The following DLG2 variants were observed in gnomAD, a reference collection of about 807,000 sequenced individuals.
DLG2 encodes discs large MAGUK scaffold protein 2.
DLG2 carries 45 observed loss-of-function variants against 132.5 expected under a neutral mutation model. The observed-to-expected ratio is 0.34, with a 90% confidence interval of 0.27 to 0.44. DLG2 has a LOEUF of 0.44. DLG2 is among the 20% of genes least tolerant of loss of function. DLG2 has a pLI of 1.00. For missense variants in DLG2, 1,045 were observed against 1,196.9 expected (o/e 0.87, Z 1.87); for synonymous variants, 424 against 419.6 (o/e 1.01, Z -0.13).
At position 85,456,606 on chromosome 11, in the gene DLG2, T is replaced by C. The variant is rs180748246; in HGVS notation, c.40+142051A>G. 1.8e-3 allele frequency among the ~76,000 whole-genome samples: 271 copies of C among 152,304 alleles called. 1 individual carries two copies. The highest frequency in any genetic ancestry group is 6.3e-3 in the African/African-American group (262 of 41,574). On this transcript the variant is annotated intron_variant, in intron 3 of 27. Coordinates refer to ENST00000376104, the MANE Select transcript of DLG2 (RefSeq NM_001142699.3). ...CAAGCCTTTCGACGTGGGCATTTAG[T>C]GCTATAAACTTCCCTCTTAACACTG...
intron 17 of DLG2, among the ~76,000 whole-genome samples, chr11:83,792,432 G>A (rs1471425456): frequency 6.6e-6 from 1 of 152,050 alleles, no homozygotes; most frequent in Admixed American, 6.5e-5. Context: ...TATATCATAA[G>A]TAAGGCACAA....
At chr11:84,653,736 T>C (rs1174831658) in intron 6 of DLG2, among the ~76,000 whole-genome samples, 2 of 152,150 alleles carry the variant, frequency 1.3e-5, no homozygotes, top group South Asian at 2.1e-4. Flanking sequence ...TTACAGCAAA[T>C]ATTTCCACCT....
At chr11:84,519,428 A>G (rs2099286950) in intron 7 of DLG2, among the ~76,000 whole-genome samples, 2 of 152,184 alleles carry the variant, frequency 1.3e-5, no homozygotes, top group Admixed American at 1.3e-4. Flanking sequence ...AAGAGACAAG[A>G]TATTATTGCT....
chr11:85,375,070 TC>T (rs901664704), intron 3 of DLG2, among the ~76,000 whole-genome samples: 1 of 152,094 alleles, frequency 6.6e-6, no homozygotes, highest in East Asian at 1.9e-4. Context: ...TCTTTTTTTT[TC>T]CCTTTGTTCC....
At chr11:83,865,343 C>T (rs2062120440) in intron 16 of DLG2, among the ~76,000 whole-genome samples, 1 of 151,924 alleles carries the variant, frequency 6.6e-6, no homozygotes, top group South Asian at 2.1e-4. Flanking sequence ...TGACTCTTAC[C>T]CAACCACCTT....
chr11:84,448,923 A>G (rs1296745693), intron 7 of DLG2, among the ~76,000 whole-genome samples: 1 of 151,996 alleles, frequency 6.6e-6, no homozygotes, highest in African/African-American at 2.4e-5. Context: ...AAATGAATGA[A>G]GCATATCACT....
chr11:85,482,645 C>G (rs1347823897), intron 3 of DLG2, among the ~76,000 whole-genome samples: 1 of 152,188 alleles, frequency 6.6e-6, no homozygotes, highest in Non-Finnish European at 1.5e-5. Context: ...ATCCCAGGCT[C>G]CAGGCCAGCC....
At chr11:85,463,853 A>G (rs1196324395) in intron 3 of DLG2, among the ~76,000 whole-genome samples, 2 of 152,064 alleles carry the variant, frequency 1.3e-5, no homozygotes, top group Non-Finnish European at 2.9e-5. Context: ...TGAATGTGAC[A>G]AAGGAGAGCA....
At chr11:84,417,224 G>A (rs1169650492) in intron 7 of DLG2, among the ~76,000 whole-genome samples, 1 of 152,082 alleles carries the variant, frequency 6.6e-6, no homozygotes, top group Non-Finnish European at 1.5e-5. Context: ...ACTTTGCTTG[G>A]ATTTCTTAAT....
In DLG2 at chr11:85,503,036, C is replaced by T. The variant is rs377019275; in HGVS notation, c.40+95621G>A. Reference sequence around the variant, plus strand: ...TATTCCCTACAATATAGAAGAAACTCATAAGCATACTCCCGTATGAAGAAG... The same window carrying T: ...TATTCCCTACAATATAGAAGAAACTTATAAGCATACTCCCGTATGAAGAAG... On this transcript the variant is annotated intron_variant, in intron 3 of 27. Transcript: ENST00000376104. Among the ~76,000 whole-genome samples the T allele has an allele frequency of 4.5e-4, 68 of 152,098 alleles. No homozygotes were observed. The South Asian group carries it at 0.012, about 28-fold the overall frequency.
intron 8 of DLG2, among the ~76,000 whole-genome samples, chr11:84,207,956 TG>T (rs936220534): frequency 9.2e-5 from 14 of 152,202 alleles, no homozygotes; most frequent in Admixed American, 6.5e-4. Context: ...TTTCTTTACA[TG>T]GGGAAAAAAG....
At chr11:84,575,260 C>A in intron 6 of DLG2, among the ~76,000 whole-genome samples, 1 of 152,190 alleles carries the variant, frequency 6.6e-6, no homozygotes, top group East Asian at 1.9e-4. Flanking sequence ...CTAGCTTAAT[C>A]TTCTGTAACT....
chr11:84,820,956 A>G (rs1461686594), intron 6 of DLG2, among the ~76,000 whole-genome samples: 1 of 151,870 alleles, frequency 6.6e-6, no homozygotes, highest in African/African-American at 2.4e-5. Context: ...TTTGGCTAAG[A>G]TCAAGTGTTC....
intron 7 of DLG2, among the ~76,000 whole-genome samples, chr11:84,491,576 G>T (rs989283228): frequency 6.6e-6 from 1 of 152,092 alleles, no homozygotes; most frequent in Non-Finnish European, 1.5e-5. Flanking sequence ...CCACATCCTT[G>T]TTTGTTCTAA....
intron 19 of DLG2, among the ~76,000 whole-genome samples, chr11:83,608,318 C>G (rs2059629492): frequency 6.6e-6 from 1 of 151,572 alleles, no homozygotes; most frequent in African/African-American, 2.4e-5. Flanking sequence ...TATTCCTCAT[C>G]TGAAATGCTT....
Position 84,647,462 on chromosome 11 carries a change from G to A in DLG2, c.358-112731C>T, listed in dbSNP as rs1166813643. On this transcript the variant is annotated intron_variant, in intron 6 of 27. Transcript: ENST00000376104. ...AGGCACATCAGACTACGATTATCTA[G>A]GTATTTCAATAGATCAGTGCGGTAG... 3.3e-5 allele frequency among the ~76,000 whole-genome samples: 5 copies of A among 152,226 alleles called. No homozygotes were observed. The East Asian group carries it at 7.7e-4, about 23-fold the overall frequency.
chr11:84,753,235 T>C (rs2066414916), intron 6 of DLG2, among the ~76,000 whole-genome samples: 1 of 152,164 alleles, frequency 6.6e-6, no homozygotes, highest in Non-Finnish European at 1.5e-5. Context: ...GGAAAGCTTT[T>C]GAAGCCAATT....
At chr11:84,429,215 T>C (rs1456079050) in intron 7 of DLG2, among the ~76,000 whole-genome samples, 2 of 152,208 alleles carry the variant, frequency 1.3e-5, no homozygotes, top group Admixed American at 1.3e-4. Flanking sequence ...CATCTAGTGC[T>C]AGGCGTTTTG....
At chr11:85,305,581 CG>C (rs1374248452) in intron 3 of DLG2, among the ~76,000 whole-genome samples, 3 of 152,058 alleles carry the variant, frequency 2.0e-5, no homozygotes, top group Non-Finnish European at 4.4e-5. Context: ...GGCGCGATCT[CG>C]GCTCACTGCA....
Sources: gnomAD v4.1 joint callset for allele counts (sites outside exome capture counted in the v4.1 genomes callset) on GRCh38, gnomAD v4.1.1 for gene constraint, MANE v1.5 for transcripts, NCBI Gene and HGNC (gene_info 2026-07-23, HGNC 2026-07-21) for gene names.